The following PEX13 variants were observed in gnomAD, a reference collection of about 807,000 sequenced individuals.
PEX13 encodes peroxisomal biogenesis factor 13.
Under a neutral mutation model 34.5 loss-of-function variants are expected in PEX13, and 28 were observed. The ratio of observed to expected loss-of-function variants is 0.81; its 90% CI spans 0.60 to 1.11. The LOEUF (loss-of-function observed/expected upper bound fraction) is 1.11. PEX13 is among the 50% of genes most tolerant of loss of function. PEX13 has a pLI of 0.00. For missense variants in PEX13, 550 were observed against 491.0 expected (o/e 1.12, Z -1.13); for synonymous variants, 177 against 175.1 (o/e 1.01, Z -0.09).
intron 2 of PEX13, among the ~76,000 whole-genome samples, chr2:61,040,847 G>GTA (rs1364315322): frequency 6.8e-6 from 1 of 146,570 alleles, no homozygotes; most frequent in East Asian, 2.0e-4. Context: ...ATATAAAAAA[G>GTA]TATATATATG....
intron 1 of PEX13, among the ~76,000 whole-genome samples, chr2:61,019,625 G>C (rs991364115): frequency 6.6e-6 from 1 of 151,834 alleles, no homozygotes; most frequent in Admixed American, 6.6e-5. Context: ...ACTAATTGTC[G>C]CAGCACCATT....
At chr2:61,047,104 A>G (rs140180175) in intron 3 of PEX13, among the ~76,000 whole-genome samples, 60 of 152,040 alleles carry the variant, frequency 3.9e-4, no homozygotes, top group Admixed American at 7.2e-4. Context: ...CCTTGTCTCA[A>G]GAAAAAAAAA....
chr2:61,021,347 C>A (rs1408761862), intron 1 of PEX13, among the ~76,000 whole-genome samples: 1 of 152,192 alleles, frequency 6.6e-6, no homozygotes, highest in South Asian at 2.1e-4. Context: ...GTCTTAGCAA[C>A]AAGCAGACCA....
chr2:61,026,731 T>C (rs1025434283), intron 1 of PEX13, among the ~76,000 whole-genome samples: 1 of 152,190 alleles, frequency 6.6e-6, no homozygotes, highest in African/African-American at 2.4e-5. Flanking sequence ...TTCACAGATA[T>C]TATTTCATTT....
intron 1 of PEX13, among the ~76,000 whole-genome samples, chr2:61,028,561 A>C (rs1055065709): frequency 5.9e-5 from 9 of 151,618 alleles, no homozygotes; most frequent in Admixed American, 3.9e-4. Flanking sequence ...TAATTTTTGT[A>C]TTTTTAGTAG....
intron 2 of PEX13, 103 bp downstream of exon 2, chr2:61,032,216 C>T: frequency 1.2e-6 from 1 of 865,202 alleles, no homozygotes; most frequent in East Asian, 2.6e-5. Context: ...TTTACTGTTT[C>T]CAGTTATATT....
intron 2 of PEX13, 24 bp downstream of exon 2, chr2:61,032,137 G>T (rs891344688): frequency 1.0e-5 from 15 of 1,446,664 alleles, no homozygotes; most frequent in African/African-American, 2.8e-5. Flanking sequence ...AAGGGAACAG[G>T]TTCAGATACC....
chr2:61,031,590 A>G lies in PEX13; in HGVS notation c.264A>G (p.Ser88=). The change falls in exon 2 of 4, where the codon TCA becomes TCG. Residue 88 remains serine (S), a synonymous_variant. Coordinates refer to ENST00000295030, the MANE Select transcript of PEX13 (RefSeq NM_002618.4). The part of the protein sequence containing the change: ...FSSGYGAYGN[S]FYGGYSPYSY... ...CTGGATATGGTGCCTATGGAAATTC[A>G]TTTTATGGAGGCTATAGTCCTTATA... is the stretch of plus-strand genomic sequence containing the variant. 6.2e-7 allele frequency: 1 copy of G among 1,614,098 alleles called. No homozygotes were observed.
At chr2:61,026,007 G>A (rs1230172020) in intron 1 of PEX13, among the ~76,000 whole-genome samples, 2 of 151,982 alleles carry the variant, frequency 1.3e-5, no homozygotes, top group Admixed American at 6.6e-5. Context: ...TCTCTGCCCA[G>A]CTTCTCATCC....
chr2:61,028,511 C>T (rs926443217), intron 1 of PEX13, among the ~76,000 whole-genome samples: 1 of 151,744 alleles, frequency 6.6e-6, no homozygotes, highest in Non-Finnish European at 1.5e-5. Flanking sequence ...CTCAGCCTCC[C>T]GAGTAGCTGG....
chr2:61,020,391 AT>A (rs150296785), intron 1 of PEX13, among the ~76,000 whole-genome samples: 10 of 151,648 alleles, frequency 6.6e-5, no homozygotes, highest in Non-Finnish European at 1.2e-4. Context: ...AATGCTATTG[AT>A]TTTTTTTAAT....
At chr2:61,043,892 G>C (rs1438622706) in intron 2 of PEX13, among the ~76,000 whole-genome samples, 1 of 152,168 alleles carries the variant, frequency 6.6e-6, no homozygotes, top group Non-Finnish European at 1.5e-5. Flanking sequence ...CTCCTTTTCA[G>C]CTATTGTTAT....
chr2:61,042,657 C>T (rs568855048), intron 2 of PEX13, among the ~76,000 whole-genome samples: 8 of 151,922 alleles, frequency 5.3e-5, no homozygotes, highest in African/African-American at 7.2e-5. Flanking sequence ...GCAGAATTTC[C>T]GCATCAAAAT....
rs1553423403 is a variant in PEX13, at chr2:61,031,528, G to A, written c.202G>A (p.Val68Met). 5 of 1,614,142 alleles carry A rather than the reference G, an allele frequency of 3.1e-6. No individual in the cohort carries two copies. Among genetic ancestry groups the A allele is most frequent in the Non-Finnish European group, 4.2e-6 (5 of 1,179,994 alleles). Residue 68 changes from valine to methionine, a missense_variant, in exon 2 of 4, where the codon GTG (valine) becomes ATG (methionine). By Grantham distance (21) the Val-to-Met change is conservative. Transcript: ENST00000295030. ...RPSQQTGSSS[V>M]NTFRPAYSSF... ...ATCACAGCAGACAGGAAGTAGCAGT[G>A]TGAACACTTTTAGACCTGCTTACAG...
Position 61,048,780 on chromosome 2 carries a change from T to C in PEX13, c.*10T>C. The C allele has an allele frequency of 6.2e-7, 1 of 1,605,068 alleles. No homozygotes were observed. Among genetic ancestry groups the C allele is most frequent in the Non-Finnish European group, 8.5e-7 (1 of 1,171,732 alleles). On this transcript the variant is annotated 3_prime_UTR_variant, in exon 4 of 4. Transcript: ENST00000295030. The stretch of plus-strand genomic sequence containing the variant: ...AAAGCAAGATCTTTGATATCTTTCA[T>C]GTTTGCCTGCAGTTGAACAATACTT...
Position 61,031,679 on chromosome 2 carries a change from T to G in PEX13, c.353T>G (p.Phe118Cys), listed in dbSNP as rs749542687. Residue 118 changes from phenylalanine to cysteine, a missense_variant, in exon 2 of 4, where the codon TTT (phenylalanine) becomes TGT (cysteine). By Grantham distance (205) the Phe-to-Cys change is radical. Coordinates refer to ENST00000295030, the MANE Select transcript of PEX13 (RefSeq NM_002618.4). ...GTAGATGATCTTCCACCCAGTAGAT[T>G]TGTTCAGCAAGCTGAAGAAAGCAGC... Reference protein sequence around the residue: ...LRVDDLPPSRFVQQAEESSRG... With the variant: ...LRVDDLPPSRCVQQAEESSRG... The G allele has an allele frequency of 6.2e-7, 1 of 1,614,174 alleles. No homozygotes were observed. Among genetic ancestry groups the G allele is most frequent in the South Asian group, 1.1e-5 (1 of 91,078 alleles).
chr2:61,047,618 T>A (rs1030821332), intron 3 of PEX13, among the ~76,000 whole-genome samples: 1 of 152,222 alleles, frequency 6.6e-6, no homozygotes, highest in Non-Finnish European at 1.5e-5. Context: ...ATTTTATATT[T>A]CATTATTCTT....
At chr2:61,036,149 C>T (rs1680530654) in intron 2 of PEX13, among the ~76,000 whole-genome samples, 1 of 152,082 alleles carries the variant, frequency 6.6e-6, no homozygotes, top group Non-Finnish European at 1.5e-5. Context: ...ACCAAATCTA[C>T]GTTTGATTGA....
At chr2:61,017,992 G>C (rs1680127379) in intron 1 of PEX13, 141 bp downstream of exon 1, 2 of 1,316,266 alleles carry the variant, frequency 1.5e-6, no homozygotes, top group Admixed American at 2.4e-5. Context: ...GGCCGAGGTG[G>C]AGCTGGGGCG....
Sources: allele counts gnomAD v4.1 joint callset (sites outside exome capture counted in the v4.1 genomes callset), GRCh38; gene constraint gnomAD v4.1.1; transcripts MANE v1.5; gene names NCBI Gene and HGNC (gene_info 2026-07-23, HGNC 2026-07-21).